Variants in RIMS1 observed in about 807,000 individuals in gnomAD.
The protein encoded by RIMS1 is regulating synaptic membrane exocytosis 1.
Under a neutral mutation model 214.1 loss-of-function variants are expected in RIMS1, and 83 were observed. The observed-to-expected ratio is 0.39, with a 90% CI of 0.32 to 0.47. The LOEUF is 0.47. Ranked by LOEUF, RIMS1 falls within the 20% of genes least tolerant of loss-of-function variation. The pLI, the probability that RIMS1 is intolerant of heterozygous loss-of-function variation, is 0.99. For synonymous variants in RIMS1, 793 were observed against 786.8 expected (o/e 1.01, Z -0.13); for missense variants, 2,050 against 2,161.8 (o/e 0.95, Z 1.03).
intron 1 of RIMS1, among the ~76,000 whole-genome samples, chr6:71,959,395 T>C (rs1157979212): frequency 6.6e-6 from 1 of 152,146 alleles, no homozygotes; most frequent in Non-Finnish European, 1.5e-5. Context: ...TTTATTCAGC[T>C]ATTGGGCTCC....
chr6:72,254,101 T>G (rs2074710579), intron 16 of RIMS1, among the ~76,000 whole-genome samples: 1 of 152,264 alleles, frequency 6.6e-6, no homozygotes, highest in South Asian at 2.1e-4. Context: ...CTTGACCTCA[T>G]GATCCGCCCA....
chr6:72,010,716 C>A (rs958588970), intron 2 of RIMS1, among the ~76,000 whole-genome samples: 7 of 152,136 alleles, frequency 4.6e-5, no homozygotes, highest in Admixed American at 4.6e-4. Flanking sequence ...CATGAGTGAA[C>A]TCCCATTCAC....
chr6:72,146,409 C>A (rs1054716619), intron 4 of RIMS1, among the ~76,000 whole-genome samples: 6 of 152,128 alleles, frequency 3.9e-5, no homozygotes, highest in Non-Finnish European at 7.4e-5. Context: ...CATTACTCTA[C>A]CATTAAGGTC....
chr6:72,130,407 C>T (rs948200204), intron 4 of RIMS1, among the ~76,000 whole-genome samples: 1 of 152,052 alleles, frequency 6.6e-6, no homozygotes, highest in South Asian at 2.1e-4. Context: ...CAAAATTTAA[C>T]AGTGCTACTG....
At chr6:72,285,744 A>G (rs1479682118) in intron 24 of RIMS1, among the ~76,000 whole-genome samples, 1 of 152,212 alleles carries the variant, frequency 6.6e-6, no homozygotes, top group Admixed American at 6.5e-5. Flanking sequence ...TTTCTTTACC[A>G]TCATTGTAAA....
chr6:72,340,851 T>A (rs1055431571), intron 29 of RIMS1, among the ~76,000 whole-genome samples: 1 of 152,106 alleles, frequency 6.6e-6, no homozygotes, highest in Non-Finnish European at 1.5e-5. Context: ...GGGATGGCAT[T>A]GAATGTATAA....
At chr6:72,388,358 G>A (rs2098647842) in intron 29 of RIMS1, among the ~76,000 whole-genome samples, 1 of 152,208 alleles carries the variant, frequency 6.6e-6, no homozygotes, top group Non-Finnish European at 1.5e-5. Context: ...TGACTGGAGA[G>A]CATTGATCAT....
At position 72,182,746 on chromosome 6, in the gene RIMS1, G is replaced by A. The variant is rs2048546541; in HGVS notation, c.1275G>A (p.Pro425=). Residue 425 remains proline, a synonymous_variant, in exon 6 of 34, where the codon CCG becomes CCA. Transcript: ENST00000521978. The part of the protein sequence containing the change: ...AAARASPPDS[P]RAYSAERTAE... ...CCAGGGCCTCGCCGCCGGACTCGCC[G>A]CGGGCTTACTCGGCTGAGAGAACTG... 4.5e-6 allele frequency: 7 copies of A among 1,541,736 alleles called. No homozygotes were observed. The highest frequency in any genetic ancestry group is 6.1e-6 in the Non-Finnish European group (7 of 1,147,418).
At chr6:72,293,860 G>A (rs2093743383) in intron 26 of RIMS1, among the ~76,000 whole-genome samples, 1 of 151,644 alleles carries the variant, frequency 6.6e-6, no homozygotes, top group African/African-American at 2.4e-5. Flanking sequence ...TGTAAGGATT[G>A]AATTGAGGTG....
At chr6:71,925,673 C>T (rs1781371426) in intron 1 of RIMS1, among the ~76,000 whole-genome samples, 1 of 152,126 alleles carries the variant, frequency 6.6e-6, no homozygotes, top group African/African-American at 2.4e-5. Context: ...GTGGGAAAGG[C>T]AAAGGTGCAA....
At chr6:72,290,250 T>G (rs2154248462) in intron 24 of RIMS1, among the ~76,000 whole-genome samples, 1 of 152,318 alleles carries the variant, frequency 6.6e-6, no homozygotes, top group African/African-American at 2.4e-5. Context: ...GTATTTCTTC[T>G]TGAAGGCAAG....
intron 6 of RIMS1, among the ~76,000 whole-genome samples, chr6:72,186,916 A>G (rs2049200983): frequency 1.3e-5 from 2 of 152,116 alleles, no homozygotes; most frequent in South Asian, 2.1e-4. Flanking sequence ...GGATTTTCCG[A>G]GCTCAGGAGT....
At chr6:72,048,906 T>G (rs1823822623) in intron 2 of RIMS1, among the ~76,000 whole-genome samples, 1 of 152,118 alleles carries the variant, frequency 6.6e-6, no homozygotes, top group South Asian at 2.1e-4. Flanking sequence ...GCCCTCATGG[T>G]GGGCATGATC....
intron 4 of RIMS1, among the ~76,000 whole-genome samples, chr6:72,170,694 A>C (rs557429269): frequency 1.3e-5 from 2 of 152,190 alleles, no homozygotes; most frequent in Non-Finnish European, 2.9e-5. Context: ...CGTGGGGAGA[A>C]TTTTTGTCTA....
At chr6:71,961,225 G>A (rs944794378) in intron 1 of RIMS1, among the ~76,000 whole-genome samples, 1 of 152,072 alleles carries the variant, frequency 6.6e-6, no homozygotes, top group South Asian at 2.1e-4. Flanking sequence ...AAATGGAGAT[G>A]GCCATTATGG....
At chr6:71,897,363 TA>T (rs1378672298) in intron 1 of RIMS1, among the ~76,000 whole-genome samples, 2 of 152,170 alleles carry the variant, frequency 1.3e-5, no homozygotes, top group Non-Finnish European at 2.9e-5. Flanking sequence ...GTCTCTCCCA[TA>T]AAACCCGCTT....
chr6:71,969,791 A>T lies in RIMS1; in HGVS notation c.245+728A>T, dbSNP rs1021268957. On this transcript the variant is annotated intron_variant, in intron 2 of 33. Transcript: ENST00000521978. The stretch of plus-strand genomic sequence containing the variant: ...GCCACTGTACTCCAGCCTGGGTGAC[A>T]GAGTGAGACCCTGTCTCAAAACAAA... 3.9e-5 allele frequency among the ~76,000 whole-genome samples: 6 copies of T among 152,222 alleles called. 1 individual carries two copies. Among genetic ancestry groups the T allele is most frequent in the Admixed American group, 3.9e-4 (6 of 15,286 alleles).
chr6:72,075,986 T>C (rs929067248), intron 2 of RIMS1, among the ~76,000 whole-genome samples: 9 of 152,250 alleles, frequency 5.9e-5, no homozygotes, highest in African/African-American at 2.2e-4. Flanking sequence ...TGCGAGTATG[T>C]GACCTGTTTG....
chr6:72,008,862 C>A (rs1422672765), intron 2 of RIMS1, among the ~76,000 whole-genome samples: 11 of 152,112 alleles, frequency 7.2e-5, no homozygotes, highest in Admixed American at 7.2e-4. Flanking sequence ...TAGACTCCCA[C>A]ACAATAATAA....
Sources: gnomAD v4.1 joint callset for allele counts (sites outside exome capture counted in the v4.1 genomes callset) on GRCh38, gnomAD v4.1.1 for gene constraint, MANE v1.5 for transcripts, NCBI Gene and HGNC (gene_info 2026-07-23, HGNC 2026-07-21) for gene names.